The following SPATA13 variants were observed in gnomAD, a reference collection of about 807,000 sequenced individuals.
SPATA13 encodes spermatogenesis-associated protein 13.
SPATA13 carries 50 observed loss-of-function variants against 104.0 expected under a neutral mutation model. The ratio of observed to expected loss-of-function variants is 0.48; its 90% CI spans 0.38 to 0.61. The LOEUF is 0.61. SPATA13 is among the 20% of genes least tolerant of loss of function. SPATA13 has a pLI of 0.00. For synonymous variants in SPATA13, 606 were observed against 667.5 expected (o/e 0.91, Z 1.42); for missense variants, 1,524 against 1,690.6 (o/e 0.90, Z 1.73).
chr13:24,034,197 A>T (rs1877595804), intron 3 of SPATA13: 1 of 152,212 alleles, frequency 6.6e-6, no homozygotes, highest in Non-Finnish European at 1.5e-5. Flanking sequence ...GGTCTTGGGC[A>T]AGAAGGGAAC....
Position 24,178,350 on chromosome 13 carries a change from G to T in SPATA13, c.-112+17418G>T, listed in dbSNP as rs191977505. ...TATTGAACTGCATTATGATACGGCTGCAAGGAATGAGTAGACATCATTTTG... is the reference window on the plus strand; with the variant it reads ...TATTGAACTGCATTATGATACGGCTTCAAGGAATGAGTAGACATCATTTTG... On this transcript the variant is annotated intron_variant, in intron 1 of 12. Coordinates refer to ENST00000382108, the MANE Select transcript of SPATA13 (RefSeq NM_001166271.3). Among the ~76,000 whole-genome samples, 209 of 152,296 alleles carry T rather than the reference G, an allele frequency of 1.4e-3. 1 individual carries two copies. Among genetic ancestry groups the T allele is most frequent in the Non-Finnish European group, 1.5e-4 (10 of 68,032 alleles).
chr13:24,095,179 A>G (rs1310182440), intron 3 of SPATA13, among the ~76,000 whole-genome samples: 1 of 152,238 alleles, frequency 6.6e-6, no homozygotes, highest in African/African-American at 2.4e-5. Flanking sequence ...GGATAAATGG[A>G]TAAACAAAAT....
chr13:24,239,117 T>C (rs749294157), intron 2 of SPATA13, among the ~76,000 whole-genome samples: 16 of 152,330 alleles, frequency 1.1e-4, no homozygotes, highest in Non-Finnish European at 2.1e-4. Context: ...CAAGGACCCA[T>C]TACCTTGTTC....
At chr13:24,037,477 A>G (rs1473463082) in intron 3 of SPATA13, among the ~76,000 whole-genome samples, 2 of 151,824 alleles carry the variant, frequency 1.3e-5, no homozygotes, top group Non-Finnish European at 2.9e-5. Context: ...GCATGATCTC[A>G]GCTCACTGCA....
chr13:24,267,778 C>G (rs944483858), intron 4 of SPATA13, among the ~76,000 whole-genome samples: 1 of 152,216 alleles, frequency 6.6e-6, no homozygotes, highest in African/African-American at 2.4e-5. Context: ...TAAACTCAAG[C>G]CCACCCATTC....
At chr13:24,000,210 C>G (rs1483417993) in intron 2 of SPATA13, among the ~76,000 whole-genome samples, 1 of 152,206 alleles carries the variant, frequency 6.6e-6, no homozygotes, top group Non-Finnish European at 1.5e-5. Context: ...TGAAAGAGAA[C>G]AACAGAGGGC....
intron 3 of SPATA13, among the ~76,000 whole-genome samples, chr13:24,042,771 G>C (rs937435603): frequency 6.6e-6 from 1 of 152,206 alleles, no homozygotes; most frequent in African/African-American, 2.4e-5. Flanking sequence ...CACTTGGTCA[G>C]CGGTGGAGCC....
At chr13:24,052,584 G>A (rs1408861710) in intron 3 of SPATA13, among the ~76,000 whole-genome samples, 1 of 151,266 alleles carries the variant, frequency 6.6e-6, no homozygotes, top group African/African-American at 2.4e-5. Flanking sequence ...TCACCCTCCC[G>A]TTTCCAGATG....
Position 24,223,015 on chromosome 13 carries a change from C to G in SPATA13, c.86C>G (p.Ala29Gly). Residue 29 changes from alanine (A) to glycine (G), a missense_variant, in exon 2 of 13, where the codon GCC (alanine) becomes GGC (glycine). Physicochemically the swap from Ala to Gly is moderately conservative, Grantham distance 60. This residue lies in a region of SPATA13 where 1,089 missense variants were observed against 1,135.9 expected (regional missense o/e 0.96). Coordinates refer to ENST00000382108, the MANE Select transcript of SPATA13 (RefSeq NM_001166271.3). ...AACGGCCTCGGGCCAGGCCCCGCAGCCCCCTGTGCAGGCTCGGACCTGAAA... is the reference window on the plus strand; with the variant it reads ...AACGGCCTCGGGCCAGGCCCCGCAGGCCCCTGTGCAGGCTCGGACCTGAAA... ...APNGLGPGPA[A>G]PCAGSDLKDA... 1 of 1,551,330 alleles carries G rather than the reference C, an allele frequency of 6.4e-7. No homozygotes were observed.
chr13:24,177,795 C>T (rs1036991185), intron 1 of SPATA13, among the ~76,000 whole-genome samples: 3 of 152,108 alleles, frequency 2.0e-5, no homozygotes, highest in Admixed American at 2.0e-4. Context: ...GCTCTGCCAC[C>T]ATGATCTAAT....
chr13:24,281,832 C>T (rs75323163), intron 4 of SPATA13, among the ~76,000 whole-genome samples: 175 of 152,270 alleles, frequency 1.1e-3, no homozygotes, highest in African/African-American at 4.1e-3. Context: ...GGAGAGGCGC[C>T]GCTGGCAGCA....
intron 1 of SPATA13, among the ~76,000 whole-genome samples, chr13:24,203,682 A>T (rs568936638): frequency 6.6e-6 from 1 of 151,906 alleles, no homozygotes; most frequent in South Asian, 2.1e-4. Flanking sequence ...CAATTCTCAA[A>T]CTCGTTTCTC....
At chr13:24,008,055 C>T (rs1402516742) in intron 2 of SPATA13, among the ~76,000 whole-genome samples, 2 of 152,174 alleles carry the variant, frequency 1.3e-5, no homozygotes, top group African/African-American at 4.8e-5. Flanking sequence ...TGCAGCAGCC[C>T]CACTCATGGG....
Position 24,223,951 on chromosome 13 carries a change from C to A in SPATA13, c.1022C>A (p.Ala341Asp). 1 of 1,550,138 alleles carries A rather than the reference C, an allele frequency of 6.5e-7. No individual in the cohort carries two copies. Among genetic ancestry groups the A allele is most frequent in the Non-Finnish European group, 8.7e-7 (1 of 1,146,094 alleles). ...AGGAGGGAGAGTCCTAGGAGTGGGG[C>A]CCCATCCCCTGGAGAGGCCAGCCTG... ...AWRRESPRSG[A>D]PSPGEASLRL... Residue 341 changes from alanine to aspartate, a missense_variant, in exon 2 of 13, where the codon GCC (alanine) becomes GAC (aspartate). Physicochemically the swap from Ala to Asp is moderately radical, Grantham distance 126. Around this residue, in one of 2 missense-constraint regions of SPATA13, gnomAD observed 1,089 missense variants for 1,135.9 expected, o/e 0.96. Coordinates refer to ENST00000382108, the MANE Select transcript of SPATA13 (RefSeq NM_001166271.3).
At chr13:24,270,652 AACC>A (rs1874529924) in intron 4 of SPATA13, 6 of 1,196,998 alleles carry the variant, frequency 5.0e-6, no homozygotes, top group Non-Finnish European at 6.8e-6. Context: ...TGTAGCCACT[AACC>A]CTTGGTCACA....
chr13:24,189,469 A>ATC lies in SPATA13; in HGVS notation c.-112+28551_-112+28552dup, dbSNP rs201091898. Among the ~76,000 whole-genome samples, 39 of 90,138 alleles carry ATC rather than the reference A, an allele frequency of 4.3e-4. 1 individual carries two copies. The highest frequency in any genetic ancestry group is 3.2e-3 in the East Asian group (11 of 3,472). The allele number at this position is 90,138 out of a possible 152,430, so 59.1% of individuals were successfully genotyped here. The stretch of plus-strand genomic sequence containing the variant: ...AGCCTGGGTGACAGAGCGAGACTCC[A>ATC]TCTCTCTCTCTCTCTATATATATAC... On this transcript the variant is annotated intron_variant, in intron 1 of 12. Transcript: ENST00000382108.
chr13:24,237,333 A>G lies in SPATA13; in HGVS notation c.1654-12144A>G, dbSNP rs1334739052. ...AGCCGAGATTGCACCACTGCACTCCAATGCTGGCGGCAGAGTCAGATTCCA... is the reference window on the plus strand; with the variant it reads ...AGCCGAGATTGCACCACTGCACTCCGATGCTGGCGGCAGAGTCAGATTCCA... On this transcript the variant is annotated intron_variant, in intron 2 of 12. Coordinates refer to ENST00000382108, the MANE Select transcript of SPATA13 (RefSeq NM_001166271.3). Among the ~76,000 whole-genome samples, 3 of 152,202 alleles carry G rather than the reference A, an allele frequency of 2.0e-5. No homozygotes were observed. In the East Asian group the frequency reaches 5.8e-4, roughly 29 times the overall value.
At chr13:24,118,481 C>G (rs1449173799) in intron 3 of SPATA13, among the ~76,000 whole-genome samples, 1 of 152,188 alleles carries the variant, frequency 6.6e-6, no homozygotes, top group Non-Finnish European at 1.5e-5. Flanking sequence ...AGAATCATTA[C>G]AAAGCACATG....
intron 2 of SPATA13, among the ~76,000 whole-genome samples, chr13:24,009,971 C>T (rs1439899742): frequency 6.6e-6 from 1 of 152,138 alleles, no homozygotes; most frequent in Non-Finnish European, 1.5e-5. Flanking sequence ...GGTTTACAGG[C>T]AGTCCTGACA....
Sources: allele counts gnomAD v4.1 joint callset (sites outside exome capture counted in the v4.1 genomes callset), GRCh38; gene constraint gnomAD v4.1.1; regional missense constraint gnomAD v4.1.1; transcripts MANE v1.5; gene names NCBI Gene and HGNC (gene_info 2026-07-23, HGNC 2026-07-21).